The following KCNH8 variants were observed in gnomAD, a reference collection of about 807,000 sequenced individuals.
The protein encoded by KCNH8 is potassium voltage-gated channel subfamily H member 8, also known as voltage-gated delayed rectifier potassium channel KCNH8.
Under a neutral mutation model 103.6 loss-of-function variants are expected in KCNH8, and 70 were observed. The observed-to-expected ratio is 0.68, with a 90% CI of 0.56 to 0.82. The LOEUF (loss-of-function observed/expected upper bound fraction) is 0.82, where lower values mean the gene tolerates loss of function less well. KCNH8 is among the 40% of genes least tolerant of loss of function. KCNH8 has a pLI of 0.00. For synonymous variants in KCNH8, 498 were observed against 489.4 expected, an observed-to-expected ratio of 1.02 and a Z score of -0.23; for missense variants, 1,217 against 1,329.9, an observed-to-expected ratio of 0.92 and a Z score of 1.32.
At chr3:19,477,858 C>T (rs906325688) in intron 11 of KCNH8, among the ~76,000 whole-genome samples, 4 of 152,050 alleles carry the variant, frequency 2.6e-5, no homozygotes, top group African/African-American at 9.7e-5. Context: ...CTGGGCTATT[C>T]GTGTAGCCAT....
intron 11 of KCNH8, among the ~76,000 whole-genome samples, chr3:19,505,006 A>T (rs918166179): frequency 2.6e-5 from 4 of 151,178 alleles, no homozygotes; most frequent in Admixed American, 2.0e-4. Flanking sequence ...TCTCTCTCAC[A>T]TTCATATAAT....
At chr3:19,434,189 C>T (rs559465874) in intron 7 of KCNH8, among the ~76,000 whole-genome samples, 3 of 152,214 alleles carry the variant, frequency 2.0e-5, no homozygotes, top group Admixed American at 6.5e-5. Context: ...AAATTATAGT[C>T]ATGGGCACTA....
intron 11 of KCNH8, among the ~76,000 whole-genome samples, chr3:19,496,986 A>G (rs886360854): frequency 6.6e-6 from 1 of 151,646 alleles, no homozygotes; most frequent in Admixed American, 6.6e-5. Context: ...GCATAGAGGT[A>G]TATGTGTCCA....
At chr3:19,299,557 T>G (rs1011962965) in intron 3 of KCNH8, among the ~76,000 whole-genome samples, 11 of 152,182 alleles carry the variant, frequency 7.2e-5, no homozygotes, top group Admixed American at 2.6e-4. Context: ...TAGAGATGAT[T>G]ATTCACATTT....
At chr3:19,234,579 C>G (rs544399781) in intron 1 of KCNH8, among the ~76,000 whole-genome samples, 81 of 152,348 alleles carry the variant, frequency 5.3e-4, no homozygotes, top group African/African-American at 1.7e-3. Context: ...TCCCGCTGGC[C>G]CGCAAGCACC....
chr3:19,198,763 G>A (rs905814737), intron 1 of KCNH8, among the ~76,000 whole-genome samples: 4 of 152,146 alleles, frequency 2.6e-5, no homozygotes, highest in Middle Eastern at 3.4e-3. Context: ...ACAAAGGAAT[G>A]CACTATATTT....
chr3:19,520,081 CT>C (rs559101114), intron 15 of KCNH8, among the ~76,000 whole-genome samples: 2 of 148,566 alleles, frequency 1.3e-5, no homozygotes, highest in African/African-American at 2.5e-5. Flanking sequence ...GATTTCTTTT[CT>C]TTTTTTTTAA....
intron 5 of KCNH8, among the ~76,000 whole-genome samples, chr3:19,375,773 G>A (rs1222567819): frequency 1.3e-5 from 2 of 151,308 alleles, no homozygotes; most frequent in African/African-American, 2.4e-5. Flanking sequence ...GTGATGTACA[G>A]ATGGGTTTTT....
At chr3:19,171,056 T>C (rs2063344191) in intron 1 of KCNH8, among the ~76,000 whole-genome samples, 2 of 151,964 alleles carry the variant, frequency 1.3e-5, no homozygotes, top group South Asian at 4.1e-4. Context: ...GCCTTCGGCC[T>C]CCAAAAGTGC....
At chr3:19,501,491 C>T (rs899907725) in intron 11 of KCNH8, among the ~76,000 whole-genome samples, 1 of 152,160 alleles carries the variant, frequency 6.6e-6, no homozygotes, top group Non-Finnish European at 1.5e-5. Context: ...AATTTTAGAC[C>T]AATATCCCTG....
At chr3:19,340,336 A>AT (rs201890714) in intron 3 of KCNH8, among the ~76,000 whole-genome samples, 19 of 130,128 alleles carry the variant, frequency 1.5e-4, no homozygotes, top group African/African-American at 6.1e-4. Context: ...GATTCAATTT[A>AT]TTTTTTTTAT....
intron 5 of KCNH8, among the ~76,000 whole-genome samples, chr3:19,379,375 C>T (rs1411830853): frequency 1.3e-5 from 2 of 152,238 alleles, no homozygotes; most frequent in African/African-American, 2.4e-5. Flanking sequence ...GGCCCAGTGG[C>T]TCATGCCTGT....
At chr3:19,395,685 A>G (rs2066505763) in intron 7 of KCNH8, among the ~76,000 whole-genome samples, 1 of 152,046 alleles carries the variant, frequency 6.6e-6, no homozygotes, top group Non-Finnish European at 1.5e-5. Flanking sequence ...AACTTAACTA[A>G]TAAGAAAATG....
At chr3:19,398,868 T>C (rs778414124) in intron 7 of KCNH8, among the ~76,000 whole-genome samples, 2 of 152,014 alleles carry the variant, frequency 1.3e-5, no homozygotes, top group Non-Finnish European at 1.5e-5. Context: ...ATACTTATCA[T>C]TTTATGTACG....
chr3:19,428,990 C>G (rs2067071440), intron 7 of KCNH8, among the ~76,000 whole-genome samples: 1 of 152,078 alleles, frequency 6.6e-6, no homozygotes, highest in African/African-American at 2.4e-5. Context: ...CTCTCTCAGA[C>G]AACGTCATTG....
intron 1 of KCNH8, among the ~76,000 whole-genome samples, chr3:19,230,020 T>C (rs2063975852): frequency 6.9e-6 from 1 of 145,758 alleles, no homozygotes; most frequent in Non-Finnish European, 1.5e-5. Flanking sequence ...CTCAGAATCA[T>C]GGCGAAGGTG....
At chr3:19,251,065 T>C (rs908224634) in intron 1 of KCNH8, among the ~76,000 whole-genome samples, 4 of 151,908 alleles carry the variant, frequency 2.6e-5, no homozygotes, top group African/African-American at 7.3e-5. Context: ...CAAAATGGAG[T>C]TGGGGAGAGA....
At chr3:19,237,087 A>G (rs1478701720) in intron 1 of KCNH8, among the ~76,000 whole-genome samples, 4 of 152,378 alleles carry the variant, frequency 2.6e-5, no homozygotes. Flanking sequence ...AACAAACAGC[A>G]TAAGCTTTTT....
chr3:19,317,157 T>C (rs1575522074), intron 3 of KCNH8, among the ~76,000 whole-genome samples: 1 of 151,906 alleles, frequency 6.6e-6, no homozygotes, highest in East Asian at 1.9e-4. Context: ...CTAAGGAGTT[T>C]TAATGTAAGA....
Sources: gnomAD v4.1 joint callset for allele counts (sites outside exome capture counted in the v4.1 genomes callset) on GRCh38, gnomAD v4.1.1 for gene constraint, MANE v1.5 for transcripts, NCBI Gene and HGNC (gene_info 2026-07-23, HGNC 2026-07-21) for gene names.